Variants in EPHA3 observed in about 807,000 individuals in gnomAD.
EPHA3 encodes the protein EPH receptor A3.
EPHA3 carries 42 observed loss-of-function variants against 107.1 expected under a neutral mutation model. The ratio of observed to expected loss-of-function variants is 0.39; its 90% confidence interval spans 0.31 to 0.51. The LOEUF (loss-of-function observed/expected upper bound fraction) is 0.51. Among genes scored for constraint, EPHA3 ranks in the 20% least tolerant of loss-of-function variants. EPHA3 has a pLI of 0.78. For missense variants in EPHA3, 1,183 were observed against 1,211.2 expected, an observed-to-expected ratio of 0.98 and a Z score of 0.35; for synonymous variants, 461 against 424.8, an observed-to-expected ratio of 1.09 and a Z score of -1.05.
At chr3:89,252,073 A>T (rs1285750815) in intron 3 of EPHA3, among the ~76,000 whole-genome samples, 3 of 152,230 alleles carry the variant, frequency 2.0e-5, no homozygotes, top group Admixed American at 1.3e-4. Flanking sequence ...GGAATAATAA[A>T]TTATAAAGGA....
chr3:89,198,962 C>G (rs1705906839), intron 2 of EPHA3, among the ~76,000 whole-genome samples: 1 of 152,200 alleles, frequency 6.6e-6, no homozygotes, highest in Non-Finnish European at 1.5e-5. Flanking sequence ...TCCTCATTAT[C>G]TTCAAGCAGT....
At chr3:89,293,390 T>C (rs1706264205) in intron 3 of EPHA3, among the ~76,000 whole-genome samples, 1 of 152,192 alleles carries the variant, frequency 6.6e-6, no homozygotes, top group Non-Finnish European at 1.5e-5. Context: ...CAAAAATTAT[T>C]GTGCTTTTGC....
chr3:89,246,962 TTAGCATA>T (rs1705048450), intron 3 of EPHA3, among the ~76,000 whole-genome samples: 1 of 152,196 alleles, frequency 6.6e-6, no homozygotes, highest in African/African-American at 2.4e-5. Context: ...AGAGCAAATG[TTAGCATA>T]TAGCATGTAG....
chr3:89,478,812 A>G (rs775976899), intron 16 of EPHA3, among the ~76,000 whole-genome samples: 32 of 152,218 alleles, frequency 2.1e-4, no homozygotes, highest in Non-Finnish European at 3.8e-4. Context: ...TAAGGCTGCC[A>G]CAAGAAGTTA....
chr3:89,304,957 G>A (rs1350879164), intron 3 of EPHA3, among the ~76,000 whole-genome samples: 1 of 152,112 alleles, frequency 6.6e-6, no homozygotes, highest in Non-Finnish European at 1.5e-5. Context: ...AGGTTAATAA[G>A]CATTTTATTT....
chr3:89,221,343 G>A (rs1230782042), intron 3 of EPHA3, among the ~76,000 whole-genome samples: 2 of 152,116 alleles, frequency 1.3e-5, no homozygotes, highest in African/African-American at 4.8e-5. Flanking sequence ...TTTGGATATT[G>A]ATTCACGTAA....
intron 15 of EPHA3, among the ~76,000 whole-genome samples, chr3:89,468,939 A>G (rs554552076): frequency 1.3e-4 from 20 of 152,328 alleles, no homozygotes; most frequent in African/African-American, 4.8e-4. Flanking sequence ...TAAGATGAGT[A>G]ATTTAAAAAA....
At chr3:89,337,066 GAA>G (rs531242644) in intron 3 of EPHA3, among the ~76,000 whole-genome samples, 3 of 98,972 alleles carry the variant, frequency 3.0e-5, no homozygotes, top group Non-Finnish European at 2.2e-5. Context: ...CTCAAAAAAA[GAA>G]AAAAAAAAAA....
intron 3 of EPHA3, among the ~76,000 whole-genome samples, chr3:89,339,556 T>C (rs1707470731): frequency 6.6e-6 from 1 of 152,182 alleles, no homozygotes; most frequent in Non-Finnish European, 1.5e-5. Flanking sequence ...GCTATCATTT[T>C]AAGTTATTCC....
chr3:89,113,190 T>A (rs1707155843), intron 1 of EPHA3, among the ~76,000 whole-genome samples: 2 of 152,194 alleles, frequency 1.3e-5, no homozygotes, highest in African/African-American at 4.8e-5. Context: ...AATTTACTTC[T>A]CAGAAATGTG....
At chr3:89,242,143 C>T (rs1038790922) in intron 3 of EPHA3, among the ~76,000 whole-genome samples, 20 of 152,220 alleles carry the variant, frequency 1.3e-4, no homozygotes, top group African/African-American at 4.6e-4. Context: ...CTAAAGAAGA[C>T]GATCTTTGTC....
intron 5 of EPHA3, among the ~76,000 whole-genome samples, chr3:89,358,532 A>AT (rs780432345): frequency 1.6e-4 from 24 of 151,000 alleles, no homozygotes; most frequent in Admixed American, 4.0e-4. Flanking sequence ...GGAGCTCTCA[A>AT]TTTAGGACAT....
intron 2 of EPHA3, among the ~76,000 whole-genome samples, chr3:89,206,499 A>G (rs761731689): frequency 3.9e-5 from 6 of 152,204 alleles, no homozygotes; most frequent in Non-Finnish European, 8.8e-5. Context: ...CGAACTTTCT[A>G]TAAGATGGTT....
intron 3 of EPHA3, among the ~76,000 whole-genome samples, chr3:89,339,005 T>C (rs1462866390): frequency 1.3e-5 from 2 of 152,142 alleles, no homozygotes; most frequent in Non-Finnish European, 2.9e-5. Flanking sequence ...CTAGACTTTA[T>C]CCAATTATGA....
rs193164044 is a variant in EPHA3 at position 89,401,221 on chromosome 3, G to A, written c.1594+1741G>A. On this transcript the variant is annotated intron_variant, in intron 7 of 16. Coordinates refer to ENST00000336596, the MANE Select transcript of EPHA3 (RefSeq NM_005233.6). ...TTTCTGTCGGACAATTAGAAATGCT[G>A]CTTACAATAAGGAGCTATAAATTTC... is the stretch of plus-strand genomic sequence containing the variant. Among the ~76,000 whole-genome samples, 616 of 152,284 alleles carry A rather than the reference G, an allele frequency of 4.0e-3. 5 individuals are homozygous for A. Among genetic ancestry groups the A allele is most frequent in the African/African-American group, 0.014 (600 of 41,558 alleles).
chr3:89,264,314 A>G (rs1705487411), intron 3 of EPHA3, among the ~76,000 whole-genome samples: 1 of 152,134 alleles, frequency 6.6e-6, no homozygotes, highest in African/African-American at 2.4e-5. Flanking sequence ...GCTTGTCACA[A>G]GCAAGTGTGA....
Position 89,313,464 on chromosome 3 carries a change from T to A in EPHA3, c.815-27452T>A, listed in dbSNP as rs144332546. ...TTACACTGTTAGTTTAACAAAATGA[T>A]TAGTAAATATGTAATTTTCAATCCT... On this transcript the variant is annotated intron_variant, in intron 3 of 16. Coordinates refer to ENST00000336596, the MANE Select transcript of EPHA3 (RefSeq NM_005233.6). Among the ~76,000 whole-genome samples, 325 of 152,064 alleles carry A rather than the reference T, an allele frequency of 2.1e-3. 1 individual carries two copies. The highest frequency in any genetic ancestry group is 6.5e-3 in the African/African-American group (271 of 41,534).
chr3:89,216,213 G>A (rs1408372397), intron 3 of EPHA3, among the ~76,000 whole-genome samples: 6 of 152,016 alleles, frequency 3.9e-5, no homozygotes, highest in Non-Finnish European at 7.4e-5. Flanking sequence ...ATGAGCATCT[G>A]AGGCATCAGA....
chr3:89,358,174 T>C (rs537415330), intron 5 of EPHA3, among the ~76,000 whole-genome samples: 5 of 151,246 alleles, frequency 3.3e-5, no homozygotes, highest in Non-Finnish European at 7.4e-5. Context: ...AACAGGATAG[T>C]CTTTTTCTTA....
Sources: allele counts gnomAD v4.1 joint callset (sites outside exome capture counted in the v4.1 genomes callset), GRCh38; gene constraint gnomAD v4.1.1; transcripts MANE v1.5; gene names NCBI Gene and HGNC (gene_info 2026-07-23, HGNC 2026-07-21).